Variants in ADAM10 observed in about 807,000 individuals in gnomAD.
The protein encoded by ADAM10 is disintegrin and metalloproteinase domain-containing protein 10.
A neutral mutation model predicts 90.1 loss-of-function variants in ADAM10; 17 were observed. The observed-to-expected ratio is 0.19, with a 90% CI of 0.13 to 0.28. The LOEUF (loss-of-function observed/expected upper bound fraction) is 0.28. Ranked by LOEUF, ADAM10 falls within the 10% of genes least tolerant of loss-of-function variation. The probability of loss-of-function intolerance (pLI) is 1.00; values close to 1 mark genes in which losing one functional copy is unlikely to be tolerated. For synonymous variants in ADAM10, 310 were observed against 298.6 expected, an observed-to-expected ratio of 1.04 and a Z score of -0.40; for missense variants, 610 against 914.3, an observed-to-expected ratio of 0.67 and a Z score of 4.29.
Position 58,643,949 on chromosome 15 carries a change from T to G in ADAM10, c.765A>C (p.Thr255=). 1 of 1,612,928 alleles carries G rather than the reference T, an allele frequency of 6.2e-7. No individual in the cohort carries two copies. Among genetic ancestry groups the G allele is most frequent in the Non-Finnish European group, 8.5e-7 (1 of 1,178,968 alleles). ...CGGAGAAGTCTGTGGTCTGGTAAAT[T>G]GTATCAATCGCTTTAACATGACTGG... The part of the protein sequence containing the change: ...QISSHVKAID[T]IYQTTDFSGI... Residue 255 remains threonine (T), a synonymous_variant, in exon 7 of 16, where the codon ACA becomes ACC. Coordinates refer to ENST00000260408, the MANE Select transcript of ADAM10 (RefSeq NM_001110.4).
In ADAM10 at chr15:58,591,215, T is replaced by G. The variant is rs1274375959; in HGVS notation, c.*6332A>C. ...CTTGCTAAGATTGCTGGATGACTGA[T>G]AGCTTCAAGAGTTCACCCTAGCAGT... On this transcript the variant is annotated 3_prime_UTR_variant, in exon 16 of 16. Transcript: ENST00000260408. The G allele has an allele frequency of 6.6e-6, 1 of 152,214 alleles. No homozygotes were observed. The highest frequency in any genetic ancestry group is 1.5e-5 in the Non-Finnish European group (1 of 68,028). 9.4% of individuals were successfully genotyped at this position (152,214 alleles called of 1,614,324 possible).
rs186635943 is a variant in ADAM10, at chr15:58,627,812, G to T, written c.1248C>A (p.Ile416=). Residue 416 remains isoleucine (I), a synonymous_variant, in exon 10 of 16, where the codon ATC becomes ATA. Transcript: ENST00000260408. ...CCCCAGATGTTGCTCTTGCATACAT[G>T]ATGTAATTGCCATTTTCTTTTTGAC... is the stretch of plus-strand genomic sequence containing the variant. The part of the protein sequence containing the change: ...NLGQKENGNY[I]MYARATSGDK... 9.7e-5 allele frequency: 156 copies of T among 1,613,550 alleles called. No individual in the cohort carries two copies. The highest frequency in any genetic ancestry group is 1.3e-4 in the Non-Finnish European group (152 of 1,179,754).
At position 58,670,004 on chromosome 15, in the gene ADAM10, C is replaced by G. The variant is rs77823269; in HGVS notation, c.485-4807G>C. On this transcript the variant is annotated intron_variant, in intron 4 of 15. Transcript: ENST00000260408. ...ACTGAAAGCTTTTGGGGGTGATGGG[C>G]ATGTTTATTATCTTAAATGCTATGA... Among the ~76,000 whole-genome samples the G allele has an allele frequency of 2.3e-3, 357 of 152,040 alleles. 10 individuals are homozygous for G. In the East Asian group the frequency reaches 0.067, roughly 28 times the overall value.
chr15:58,653,017 G>A lies in ADAM10; in HGVS notation c.586-6813C>T, dbSNP rs371407955. 4.6e-5 allele frequency among the ~76,000 whole-genome samples: 7 copies of A among 152,010 alleles called. No individual in the cohort carries two copies. The East Asian group carries it at 7.7e-4, about 17-fold the overall frequency. ...ATTGCTTCTCTTTTTCAGACTGTTTGTTGCTGGAAACAACAGTAGAAATGC... is the reference window on the plus strand; with the variant it reads ...ATTGCTTCTCTTTTTCAGACTGTTTATTGCTGGAAACAACAGTAGAAATGC... On this transcript the variant is annotated intron_variant, in intron 5 of 15. Transcript: ENST00000260408.
At chr15:58,599,761 A>C in intron 14 of ADAM10, 37 bp from the exon 15 acceptor site, 1 of 1,593,516 alleles carries the variant, frequency 6.3e-7, no homozygotes, top group Non-Finnish European at 8.6e-7. Context: ...AAAAAAAAAA[A>C]ACTACAAAAT....
chr15:58,729,598 T>A (rs1172685010), intron 1 of ADAM10, among the ~76,000 whole-genome samples: 1 of 152,192 alleles, frequency 6.6e-6, no homozygotes, highest in Non-Finnish European at 1.5e-5. Flanking sequence ...GCTATACAGG[T>A]TGAGTATCCA....
intron 2 of ADAM10, chr15:58,692,180 G>C (rs1165719142): frequency 1.8e-6 from 1 of 551,724 alleles, no homozygotes; most frequent in Admixed American, 1.9e-5. Context: ...TTCTAAAAAA[G>C]GTCAAAGGGA....
At chr15:58,704,295 C>G (rs915575147) in intron 2 of ADAM10, 10 of 152,154 alleles carry the variant, frequency 6.6e-5, no homozygotes, top group Admixed American at 5.9e-4. Flanking sequence ...TAGTTGGTTG[C>G]CAGGGACTGG....
intron 1 of ADAM10, among the ~76,000 whole-genome samples, chr15:58,721,828 G>C (rs1898864290): frequency 6.6e-6 from 1 of 152,170 alleles, no homozygotes; most frequent in Non-Finnish European, 1.5e-5. Flanking sequence ...AGGAGTTCAA[G>C]ACTAGCCTGG....
chr15:58,742,305 T>C (rs1473980239), intron 1 of ADAM10, among the ~76,000 whole-genome samples: 4 of 152,202 alleles, frequency 2.6e-5, no homozygotes, highest in Non-Finnish European at 2.9e-5. Flanking sequence ...TGATGGGTTG[T>C]GACATAACCC....
At chr15:58,657,339 G>A (rs1413541085) in intron 5 of ADAM10, among the ~76,000 whole-genome samples, 1 of 151,910 alleles carries the variant, frequency 6.6e-6, no homozygotes, top group African/African-American at 2.4e-5. Context: ...TTGCCCTTTT[G>A]AGGCTATTTC....
chr15:58,599,490 C>T (rs1013579802), intron 15 of ADAM10, 108 bp downstream of exon 15: 25 of 1,320,834 alleles, frequency 1.9e-5, no homozygotes, highest in African/African-American at 1.9e-4. Flanking sequence ...CCCATTCTTA[C>T]GGAGAAAGTA....
intron 2 of ADAM10, among the ~76,000 whole-genome samples, chr15:58,685,365 G>A (rs113300699): frequency 4.0e-5 from 6 of 151,198 alleles, no homozygotes; most frequent in African/African-American, 1.5e-4. Flanking sequence ...GGAGGCTAAG[G>A]CAGGAGAATG....
At chr15:58,744,256 G>T (rs559956493) in intron 1 of ADAM10, among the ~76,000 whole-genome samples, 2 of 152,036 alleles carry the variant, frequency 1.3e-5, no homozygotes, top group Middle Eastern at 3.4e-3. Flanking sequence ...GGGTAGGGGT[G>T]GGGGGCAGGG....
rs113786085 is a variant in ADAM10 at position 58,694,915 on chromosome 15, G to A, written c.207-12601C>T. ...GTGGAGACTAAGAGTAAAAAGTAAT[G>A]AGGGAATTTTGTGATACGACAGAAA... On this transcript the variant is annotated intron_variant, in intron 2 of 15. Transcript: ENST00000260408. Among the ~76,000 whole-genome samples, 519 of 152,184 alleles carry A rather than the reference G, an allele frequency of 3.4e-3. 5 individuals are homozygous for A. Among genetic ancestry groups the A allele is most frequent in the African/African-American group, 0.012 (498 of 41,528 alleles).
chr15:58,597,208 T>G lies in ADAM10; in HGVS notation c.*339A>C. 1 of 659,300 alleles carries G rather than the reference T, an allele frequency of 1.5e-6. No individual in the cohort carries two copies. The highest frequency in any genetic ancestry group is 2.5e-6 in the Non-Finnish European group (1 of 399,136). 40.8% of individuals were successfully genotyped at this position (659,300 alleles called of 1,614,324 possible). A position where few individuals can be genotyped will look rare whatever the true frequency, so the allele number is the denominator to read the frequency against. On this transcript the variant is annotated 3_prime_UTR_variant, in exon 16 of 16. Transcript: ENST00000260408. Reference sequence around the variant, plus strand: ...ATTTATTTCAATTTGTGGTAAAAGTTTATTGAGAGCCAAGTTTGCCTGCAA... The same window carrying G: ...ATTTATTTCAATTTGTGGTAAAAGTGTATTGAGAGCCAAGTTTGCCTGCAA...
At position 58,640,943 on chromosome 15, in the gene ADAM10, A is replaced by G; in HGVS notation, c.846T>C (p.Asp282=). 1 of 1,614,034 alleles carries G rather than the reference A, an allele frequency of 6.2e-7. No homozygotes were observed. Among genetic ancestry groups the G allele is most frequent in the South Asian group, 1.1e-5 (1 of 91,076 alleles). ...GGAAAGGATTTGTAGGGTCCTTCTC[A>G]TCAGCAGTTGTATTGATCTAAAATC... ...VKRIRINTTA[D]EKDPTNPFRF... The change falls in exon 8 of 16, where the codon GAT becomes GAC. Residue 282 remains aspartate, a synonymous_variant. Transcript: ENST00000260408.
chr15:58,741,274 A>C (rs1452200363), intron 1 of ADAM10, among the ~76,000 whole-genome samples: 1 of 152,234 alleles, frequency 6.6e-6, no homozygotes, highest in East Asian at 1.9e-4. Flanking sequence ...TTCACATGAA[A>C]TCAAGAGTGT....
In ADAM10 at chr15:58,694,117, C is replaced by T. The variant is rs528411259; in HGVS notation, c.207-11803G>A. On this transcript the variant is annotated intron_variant, in intron 2 of 15. Transcript: ENST00000260408. ...ATGGGAATGGAAAATGACAACATCA[C>T]TTTGGAAAACTGTTTAGCACTTTCT... Among the ~76,000 whole-genome samples, 6 of 152,326 alleles carry T rather than the reference C, an allele frequency of 3.9e-5. No individual in the cohort carries two copies. The East Asian group carries it at 1.2e-3, about 29-fold the overall frequency.
Sources: allele counts gnomAD v4.1 joint callset (sites outside exome capture counted in the v4.1 genomes callset), GRCh38; gene constraint gnomAD v4.1.1; transcripts MANE v1.5; gene names NCBI Gene and HGNC (gene_info 2026-07-23, HGNC 2026-07-21).